MANBA: variants seen among roughly 807,000 people sequenced by gnomAD.
MANBA encodes the protein beta-mannosidase.
Under a neutral mutation model 111.1 loss-of-function variants are expected in MANBA, and 83 were observed. The observed-to-expected ratio is 0.75, with a 90% CI of 0.63 to 0.90. MANBA has a LOEUF of 0.90. Ranked by LOEUF, MANBA falls within the 40% of genes least tolerant of loss-of-function variation. MANBA has a pLI of 0.00. For synonymous variants in MANBA, 370 were observed against 378.7 expected (o/e 0.98, Z 0.27); for missense variants, 1,036 against 1,069.0 (o/e 0.97, Z 0.43).
chr4:102,746,247 C>T (rs1041373043), intron 1 of MANBA, among the ~76,000 whole-genome samples: 1 of 152,212 alleles, frequency 6.6e-6, no homozygotes, highest in African/African-American at 2.4e-5. Context: ...CCATTCTTTT[C>T]CAGTCAATCC....
intron 1 of MANBA, among the ~76,000 whole-genome samples, chr4:102,739,497 C>T (rs1238267628): frequency 6.6e-6 from 1 of 152,092 alleles, no homozygotes; most frequent in Non-Finnish European, 1.5e-5. Flanking sequence ...AAGGACATAA[C>T]ATACAAAAAC....
At chr4:102,704,088 C>CT (rs1560785427) in intron 5 of MANBA, among the ~76,000 whole-genome samples, 1 of 151,518 alleles carries the variant, frequency 6.6e-6, no homozygotes, top group Non-Finnish European at 1.5e-5. Context: ...GAGCAAAACT[C>CT]TATCTCGAAA....
At chr4:102,689,419 G>C (rs1047437653) in intron 7 of MANBA, among the ~76,000 whole-genome samples, 155 bp downstream of exon 7, 1 of 150,496 alleles carries the variant, frequency 6.6e-6, no homozygotes, top group African/African-American at 2.4e-5. Context: ...TACACACACA[G>C]AGAGAGAAGC....
chr4:102,688,887 T>C (rs1015952682), intron 7 of MANBA, among the ~76,000 whole-genome samples: 4 of 151,696 alleles, frequency 2.6e-5, no homozygotes, highest in Non-Finnish European at 4.4e-5. Flanking sequence ...TTCTGGGGAG[T>C]AGGAAGTAAG....
intron 1 of MANBA, among the ~76,000 whole-genome samples, chr4:102,733,636 CA>C (rs1237901177): frequency 6.6e-6 from 1 of 152,220 alleles, no homozygotes; most frequent in African/African-American, 2.4e-5. Context: ...GCTGAGATTA[CA>C]GGCGTAAGCC....
At chr4:102,685,791 G>GT (rs1560773002) in intron 7 of MANBA, among the ~76,000 whole-genome samples, 1 of 152,052 alleles carries the variant, frequency 6.6e-6, no homozygotes, top group East Asian at 1.9e-4. Flanking sequence ...CCCCATTCAA[G>GT]TTTTCATCAG....
chr4:102,742,434 T>A (rs989352191), intron 1 of MANBA, among the ~76,000 whole-genome samples: 6 of 152,166 alleles, frequency 3.9e-5, no homozygotes, highest in African/African-American at 1.4e-4. Context: ...ATATATTGAA[T>A]GCTGATTCAG....
At chr4:102,753,463 C>T (rs1003455210) in intron 1 of MANBA, among the ~76,000 whole-genome samples, 8 of 152,036 alleles carry the variant, frequency 5.3e-5, no homozygotes, top group Admixed American at 1.3e-4. Flanking sequence ...TCAGTATATG[C>T]GAATTTAGTG....
intron 1 of MANBA, among the ~76,000 whole-genome samples, chr4:102,753,381 T>C (rs6833477): frequency 0.047 from 7,221 of 152,192 alleles, 325 homozygotes; most frequent in African/African-American, 0.12. Context: ...ACTACATAAA[T>C]ACGTATTTTT....
chr4:102,752,542 T>C (rs1723848065), intron 1 of MANBA: 1 of 696,120 alleles, frequency 1.4e-6, no homozygotes, highest in Non-Finnish European at 2.7e-6. Flanking sequence ...GTTCTGAGTG[T>C]AGACTGGATA....
chr4:102,726,775 A>G, intron 1 of MANBA, 92 bp from the exon 2 acceptor site: 2 of 739,856 alleles, frequency 2.7e-6, no homozygotes. Flanking sequence ...AACAACAGCT[A>G]TTTATCACCT....
chr4:102,757,099 G>A (rs1018674321), intron 1 of MANBA, among the ~76,000 whole-genome samples: 10 of 152,132 alleles, frequency 6.6e-5, no homozygotes, highest in African/African-American at 9.7e-5. Context: ...GAAGGCCGAG[G>A]CAGGTGGATG....
At chr4:102,747,262 T>C (rs1723623969) in intron 1 of MANBA, among the ~76,000 whole-genome samples, 1 of 152,128 alleles carries the variant, frequency 6.6e-6, no homozygotes, top group Non-Finnish European at 1.5e-5. Flanking sequence ...GAAGCCAGTC[T>C]GATTCCTAAA....
intron 1 of MANBA, chr4:102,728,609 C>T: frequency 2.1e-6 from 1 of 476,444 alleles, no homozygotes; most frequent in Non-Finnish European, 3.8e-6. Flanking sequence ...CATGGGGGGT[C>T]CCCAGGTAGT....
chr4:102,744,174 C>T (rs564777075), intron 1 of MANBA, among the ~76,000 whole-genome samples: 22 of 152,264 alleles, frequency 1.4e-4, no homozygotes, highest in Non-Finnish European at 2.5e-4. Flanking sequence ...GACGTTGTGC[C>T]TCTTTCTTGG....
chr4:102,749,637 C>T (rs1432239954), intron 1 of MANBA, among the ~76,000 whole-genome samples: 1 of 152,206 alleles, frequency 6.6e-6, no homozygotes, highest in Admixed American at 6.5e-5. Context: ...GCTCCACCAT[C>T]CATTATATGC....
intron 12 of MANBA, among the ~76,000 whole-genome samples, chr4:102,657,119 A>G (rs1730589355): frequency 6.6e-6 from 1 of 151,846 alleles, no homozygotes; most frequent in Admixed American, 6.6e-5. Flanking sequence ...AGAAGAACAC[A>G]CACAATGCTG....
At chr4:102,732,781 G>A (rs1214035872) in intron 1 of MANBA, among the ~76,000 whole-genome samples, 1 of 152,188 alleles carries the variant, frequency 6.6e-6, no homozygotes, top group Non-Finnish European at 1.5e-5. Context: ...ACAGACACAG[G>A]GTTGAAGAGG....
chr4:102,715,360 A>G (rs1192873408), intron 4 of MANBA, among the ~76,000 whole-genome samples: 2 of 152,184 alleles, frequency 1.3e-5, no homozygotes, highest in Non-Finnish European at 2.9e-5. Flanking sequence ...AGACAACTGC[A>G]GCCATGAGAC....
Sources: allele counts gnomAD v4.1 joint callset (sites outside exome capture counted in the v4.1 genomes callset), GRCh38; gene constraint gnomAD v4.1.1; transcripts MANE v1.5; gene names NCBI Gene and HGNC (gene_info 2026-07-23, HGNC 2026-07-21).